The following GRIK4 variants were observed in gnomAD, a reference collection of about 807,000 sequenced individuals.
GRIK4 encodes glutamate receptor ionotropic, kainate 4.
Under a neutral mutation model 104.9 loss-of-function variants are expected in GRIK4, and 40 were observed. The observed-to-expected ratio is 0.38, with a 90% CI of 0.30 to 0.50. The LOEUF (loss-of-function observed/expected upper bound fraction) is 0.50, where lower values mean the gene tolerates loss of function less well. Ranked by LOEUF, GRIK4 falls within the 20% of genes least tolerant of loss-of-function variation. GRIK4 has a pLI of 0.93. For synonymous variants in GRIK4, 485 were observed against 524.9 expected (o/e 0.92, Z 1.04); for missense variants, 1,047 against 1,308.1 (o/e 0.80, Z 3.08).
intron 13 of GRIK4, among the ~76,000 whole-genome samples, chr11:120,937,823 A>G (rs891065012): frequency 2.3e-4 from 35 of 152,358 alleles, no homozygotes; most frequent in Non-Finnish European, 4.1e-4. Flanking sequence ...TTGTTTTGGC[A>G]TAATGTCACA....
intron 4 of GRIK4, among the ~76,000 whole-genome samples, chr11:120,810,709 GTTATA>G (rs555120123): frequency 1.7e-3 from 264 of 152,280 alleles, no homozygotes; most frequent in Non-Finnish European, 2.9e-3. Flanking sequence ...TGGAAATGCA[GTTATA>G]TTTTAATAGT....
rs1465834009 is a variant in GRIK4 at position 120,549,530 on chromosome 11, GC to G, written c.-159+37647del. Among the ~76,000 whole-genome samples, 1 of 152,246 alleles carries G rather than the reference GC, an allele frequency of 6.6e-6. No homozygotes were observed. The highest frequency in any genetic ancestry group is 2.4e-5 in the African/African-American group (1 of 41,468). On this transcript the variant is annotated intron_variant, in intron 1 of 20. Transcript: ENST00000527524. This position sits in a 1 kb window ranked among gnomAD's most constrained non-coding sequence, Gnocchi z 4.7. ...GGGCTGCAGTGGCACCTGTGTGCAGGCCCCTTTCCTGTAAGAGGTGAGGGCA... is the reference window on the plus strand; with the variant it reads ...GGGCTGCAGTGGCACCTGTGTGCAGGCCCTTTCCTGTAAGAGGTGAGGGCA...
intron 14 of GRIK4, among the ~76,000 whole-genome samples, chr11:120,949,366 A>G (rs1030693582): frequency 1.3e-5 from 2 of 152,202 alleles, no homozygotes; most frequent in Non-Finnish European, 1.5e-5. Context: ...CAAGGGAGCT[A>G]ATTCTAATTT....
At chr11:120,751,367 C>T (rs1266508125) in intron 3 of GRIK4, among the ~76,000 whole-genome samples, 1 of 152,204 alleles carries the variant, frequency 6.6e-6, no homozygotes, top group African/African-American at 2.4e-5. Context: ...CGGTTCTTGG[C>T]TCCAAATCCC....
chr11:120,731,919 ATTTG>A (rs1951138436), intron 3 of GRIK4, among the ~76,000 whole-genome samples: 2 of 151,748 alleles, frequency 1.3e-5, no homozygotes, highest in African/African-American at 4.8e-5. Context: ...TTCACCTCTG[ATTTG>A]TTTGTTTGGA....
At chr11:120,736,668 A>G (rs552576244) in intron 3 of GRIK4, among the ~76,000 whole-genome samples, 1 of 152,228 alleles carries the variant, frequency 6.6e-6, no homozygotes, top group African/African-American at 2.4e-5. Flanking sequence ...TGAGGACCAG[A>G]GTTCTCAGTT....
intron 8 of GRIK4, among the ~76,000 whole-genome samples, chr11:120,849,218 TCA>T: frequency 6.6e-6 from 1 of 152,174 alleles, no homozygotes; most frequent in East Asian, 1.9e-4. Flanking sequence ...AGTGGGTGCA[TCA>T]GACTGTGCAT....
Position 120,874,197 on chromosome 11 carries a change from C to A in GRIK4, c.1038C>A (p.Ser346Arg). 6.2e-7 allele frequency: 1 copy of A among 1,612,610 alleles called. No homozygotes were observed. The highest frequency in any genetic ancestry group is 8.5e-7 in the Non-Finnish European group (1 of 1,179,698). The change falls in exon 10 of 21, where the codon AGC (serine) becomes AGA (arginine). Residue 346 changes from serine to arginine, a missense_variant. This residue lies in a region of GRIK4 where 447 missense variants were observed against 514.9 expected (regional missense o/e 0.87). Transcript: ENST00000527524. Reference protein sequence around the residue: ...GSAQIWQHGTSLMNYLRMVEL... With the variant: ...GSAQIWQHGTRLMNYLRMVEL... ...CCCAGATCTGGCAGCACGGCACCAG[C>A]CTCATGAACTACCTGCGCATGGTGA...
intron 9 of GRIK4, among the ~76,000 whole-genome samples, chr11:120,864,304 G>A (rs1039938939): frequency 2.0e-5 from 3 of 151,260 alleles, no homozygotes; most frequent in Admixed American, 6.6e-5. Context: ...GCAGTGGCGC[G>A]ATCTCGGCTC....
chr11:120,830,205 C>T (rs1328174825), intron 6 of GRIK4, among the ~76,000 whole-genome samples: 3 of 150,454 alleles, frequency 2.0e-5, no homozygotes, highest in Non-Finnish European at 4.4e-5. Flanking sequence ...AAAAAAAAAG[C>T]ACAGACACAC....
intron 1 of GRIK4, among the ~76,000 whole-genome samples, chr11:120,588,466 G>A (rs931435230): frequency 1.3e-5 from 2 of 152,102 alleles, no homozygotes; most frequent in African/African-American, 2.4e-5. Flanking sequence ...CACGACACAG[G>A]GTCTTTCCTT....
intron 1 of GRIK4, among the ~76,000 whole-genome samples, chr11:120,644,063 A>AG (rs796100062): frequency 0.15 from 6,569 of 45,102 alleles, 181 homozygotes; most frequent in Non-Finnish European, 0.18. Context: ...GAGAGAGGAG[A>AG]GAGAGAGAGA....
At chr11:120,552,464 T>C (rs1948149308) in intron 1 of GRIK4, among the ~76,000 whole-genome samples, 1 of 152,086 alleles carries the variant, frequency 6.6e-6, no homozygotes, top group Non-Finnish European at 1.5e-5. Context: ...TTGGGGAGGC[T>C]GAGGTGCAGG....
intron 1 of GRIK4, among the ~76,000 whole-genome samples, chr11:120,625,815 A>T (rs1213023088): frequency 6.6e-6 from 1 of 152,000 alleles, no homozygotes; most frequent in Non-Finnish European, 1.5e-5. Context: ...GGAAGGACTC[A>T]TCAGGGTAGA....
At chr11:120,618,499 AG>A (rs1425425849) in intron 1 of GRIK4, among the ~76,000 whole-genome samples, 1 of 152,242 alleles carries the variant, frequency 6.6e-6, no homozygotes, top group African/African-American at 2.4e-5. Flanking sequence ...AAAGGGGCCA[AG>A]TGCTAATAGC....
At chr11:120,816,612 G>A (rs1020155509) in intron 5 of GRIK4, among the ~76,000 whole-genome samples, 3 of 152,066 alleles carry the variant, frequency 2.0e-5, no homozygotes, top group South Asian at 2.1e-4. Flanking sequence ...CCCACCCCAT[G>A]CCTGCTGGGA....
chr11:120,815,235 T>G, intron 4 of GRIK4, 143 bp from the exon 5 acceptor site: 1 of 586,700 alleles, frequency 1.7e-6, no homozygotes, highest in Non-Finnish European at 3.0e-6. Flanking sequence ...GACTCTGGGT[T>G]TCGAAGGGTT....
At chr11:120,708,714 G>A (rs1302648386) in intron 3 of GRIK4, among the ~76,000 whole-genome samples, 2 of 152,288 alleles carry the variant, frequency 1.3e-5, no homozygotes, top group South Asian at 2.1e-4. Context: ...GGGCCAGAAC[G>A]CAGTTGCCGA....
chr11:120,519,444 A>G (rs995196010), intron 1 of GRIK4, among the ~76,000 whole-genome samples: 1 of 152,186 alleles, frequency 6.6e-6, no homozygotes, highest in African/African-American at 2.4e-5. Flanking sequence ...GTGTGAGCAC[A>G]CAGTGAGGAG....
Sources: allele counts gnomAD v4.1 joint callset (sites outside exome capture counted in the v4.1 genomes callset), GRCh38; gene constraint gnomAD v4.1.1; regional missense constraint gnomAD v4.1.1; non-coding constraint Gnocchi (gnomAD v3.1); transcripts MANE v1.5; gene names NCBI Gene and HGNC (gene_info 2026-07-23, HGNC 2026-07-21).